Variants in DCLK1 observed in about 807,000 individuals in gnomAD.
The protein encoded by DCLK1 is serine/threonine-protein kinase DCLK1.
Under a neutral mutation model 86.2 loss-of-function variants are expected in DCLK1, and 16 were observed. The observed-to-expected ratio is 0.19, with a 90% CI of 0.13 to 0.28. The LOEUF (loss-of-function observed/expected upper bound fraction) is 0.28, where lower values mean the gene tolerates loss of function less well. DCLK1 is among the 10% of genes least tolerant of loss of function. DCLK1 has a pLI of 1.00. For synonymous variants in DCLK1, 369 were observed against 370.5 expected, an observed-to-expected ratio of 1.00 and a Z score of 0.05; for missense variants, 590 against 940.2, an observed-to-expected ratio of 0.63 and a Z score of 4.87.
At chr13:36,118,123 GAGTT>G (rs1170661226) in intron 2 of DCLK1, among the ~76,000 whole-genome samples, 2 of 152,028 alleles carry the variant, frequency 1.3e-5, no homozygotes, top group Non-Finnish European at 2.9e-5. Context: ...ATAGACAGAC[GAGTT>G]AGATAAAACC....
intron 3 of DCLK1, among the ~76,000 whole-genome samples, chr13:36,092,754 G>A (rs1884880411): frequency 6.6e-6 from 1 of 152,002 alleles, no homozygotes; most frequent in South Asian, 2.1e-4. Context: ...CCAAAGTGCT[G>A]GGATTACAGG....
intron 16 of DCLK1, among the ~76,000 whole-genome samples, chr13:35,792,215 A>G (rs902305111): frequency 6.6e-6 from 1 of 152,186 alleles, no homozygotes; most frequent in Non-Finnish European, 1.5e-5. Context: ...TCACTATTGA[A>G]AGGGTTCAAT....
At chr13:35,945,898 T>A (rs1371669342) in intron 4 of DCLK1, among the ~76,000 whole-genome samples, 1 of 152,198 alleles carries the variant, frequency 6.6e-6, no homozygotes, top group Non-Finnish European at 1.5e-5. Context: ...CTAGTTATGG[T>A]CCTTGAACCA....
At chr13:35,826,539 A>AGG (rs776444323) in intron 10 of DCLK1, among the ~76,000 whole-genome samples, 1,147 of 44,546 alleles carry the variant, frequency 0.026, 152 homozygotes, top group East Asian at 0.063. Context: ...AAAAAAAAAA[A>AGG]AAAGAAAGAA....
chr13:35,917,414 C>T (rs956169645), intron 4 of DCLK1, among the ~76,000 whole-genome samples: 3 of 152,086 alleles, frequency 2.0e-5, no homozygotes, highest in Non-Finnish European at 4.4e-5. Context: ...AATAGCATTT[C>T]CTGTGGTCAG....
intron 3 of DCLK1, among the ~76,000 whole-genome samples, chr13:35,948,088 G>A (rs567041654): frequency 6.6e-5 from 10 of 152,292 alleles, no homozygotes; most frequent in African/African-American, 2.4e-4. Context: ...CCATGCAAAA[G>A]GCAAGTTTTA....
intron 16 of DCLK1, among the ~76,000 whole-genome samples, chr13:35,777,828 C>T (rs2086450414): frequency 6.6e-6 from 1 of 152,148 alleles, no homozygotes; most frequent in Non-Finnish European, 1.5e-5. Flanking sequence ...CCTTCTGGGC[C>T]CCCGCCCACT....
intron 3 of DCLK1, among the ~76,000 whole-genome samples, chr13:36,016,028 C>T (rs1283544065): frequency 1.3e-5 from 2 of 152,136 alleles, no homozygotes; most frequent in Non-Finnish European, 2.9e-5. Flanking sequence ...AACTACTGAG[C>T]AACCAGAAGG....
intron 4 of DCLK1, among the ~76,000 whole-genome samples, chr13:35,879,769 A>C (rs1872779466): frequency 6.6e-6 from 1 of 152,202 alleles, no homozygotes; most frequent in South Asian, 2.1e-4. Context: ...CCAGAACTTA[A>C]TTTCCTGAAA....
At chr13:35,815,221 T>A (rs983369278) in intron 11 of DCLK1, among the ~76,000 whole-genome samples, 11 of 152,220 alleles carry the variant, frequency 7.2e-5, no homozygotes, top group Non-Finnish European at 1.6e-4. Flanking sequence ...ATGCTTGATT[T>A]CCCTTGGATG....
intron 15 of DCLK1, among the ~76,000 whole-genome samples, chr13:35,801,384 A>G (rs955469688): frequency 2.0e-5 from 3 of 152,208 alleles, no homozygotes; most frequent in African/African-American, 7.2e-5. Context: ...TTTCTGATTT[A>G]GTTACTTCAT....
intron 3 of DCLK1, among the ~76,000 whole-genome samples, chr13:36,054,666 G>C (rs777238377): frequency 1.2e-4 from 19 of 152,178 alleles, no homozygotes; most frequent in Non-Finnish European, 2.2e-4. Flanking sequence ...ATCAGGAAAG[G>C]CCTCTATGAG....
rs777909367 is a variant in DCLK1, at chr13:36,008,139, A to ATTT, written c.724-60685_724-60683dup. 3.9e-5 allele frequency among the ~76,000 whole-genome samples: 4 copies of ATTT among 102,168 alleles called. No individual in the cohort carries two copies. In the South Asian group the frequency reaches 1.0e-3, roughly 26 times the overall value. 67.0% of individuals were successfully genotyped at this position (102,168 alleles called of 152,430 possible). The stretch of plus-strand genomic sequence containing the variant: ...TTTTAACACTGAACTTCTCTCTAAA[A>ATTT]TTTTTTTTTTTTTTTTTTTGGTCTC... On this transcript the variant is annotated intron_variant, in intron 3 of 16. Transcript: ENST00000360631.
At chr13:35,977,766 T>C (rs1879419226) in intron 3 of DCLK1, among the ~76,000 whole-genome samples, 1 of 151,842 alleles carries the variant, frequency 6.6e-6, no homozygotes, top group Non-Finnish European at 1.5e-5. Context: ...TACCTAAGAA[T>C]GGTGTCATAC....
intron 6 of DCLK1, chr13:35,849,075 T>C: frequency 1.0e-6 from 1 of 985,366 alleles, no homozygotes; most frequent in Non-Finnish European, 1.2e-6. Flanking sequence ...AGTGTCTTTC[T>C]CTCCAACAGA....
At chr13:36,032,737 C>T (rs778676886) in intron 3 of DCLK1, among the ~76,000 whole-genome samples, 3 of 152,186 alleles carry the variant, frequency 2.0e-5, no homozygotes, top group Non-Finnish European at 4.4e-5. Flanking sequence ...CGGGAGCGGC[C>T]GTCGATGCCC....
intron 4 of DCLK1, among the ~76,000 whole-genome samples, chr13:35,886,788 C>G (rs181554157): frequency 1.2e-3 from 180 of 152,346 alleles, no homozygotes; most frequent in African/African-American, 4.1e-3. Context: ...GACATTTTCA[C>G]TGCTCCAGAG....
rs956787739 is a variant in DCLK1, at chr13:35,910,971, A to G, written c.823+36387T>C. On this transcript the variant is annotated intron_variant, in intron 4 of 16. Coordinates refer to ENST00000360631, the MANE Select transcript of DCLK1 (RefSeq NM_001330071.2). ...AAAGTCATCAGTGGTTTCAAATCTT[A>G]GAACACAGGTCTAAATAACTGTTAA... 2.0e-5 allele frequency among the ~76,000 whole-genome samples: 3 copies of G among 152,156 alleles called. No individual in the cohort carries two copies. In the South Asian group the frequency reaches 6.2e-4, roughly 32 times the overall value.
intron 4 of DCLK1, among the ~76,000 whole-genome samples, chr13:35,921,037 G>A (rs953328231): frequency 1.3e-5 from 2 of 152,052 alleles, no homozygotes; most frequent in South Asian, 2.1e-4. Flanking sequence ...ATTTTGAAGC[G>A]ACCTAACTGG....
Sources: allele counts gnomAD v4.1 joint callset (sites outside exome capture counted in the v4.1 genomes callset), GRCh38; gene constraint gnomAD v4.1.1; transcripts MANE v1.5; gene names NCBI Gene and HGNC (gene_info 2026-07-23, HGNC 2026-07-21).